TFPI: variants seen among roughly 807,000 people sequenced by gnomAD.
TFPI encodes the protein tissue factor pathway inhibitor, also known as anti-convertin.
TFPI carries 15 observed loss-of-function variants against 34.6 expected under a neutral mutation model. The ratio of observed to expected loss-of-function variants is 0.43; its 90% CI spans 0.29 to 0.67. The LOEUF (loss-of-function observed/expected upper bound fraction) is 0.67. Ranked by LOEUF, TFPI falls within the 30% of genes least tolerant of loss-of-function variation. TFPI has a pLI of 0.15. For missense variants in TFPI, 301 were observed against 364.0 expected, an observed-to-expected ratio of 0.83 and a Z score of 1.41; for synonymous variants, 105 against 120.1, an observed-to-expected ratio of 0.87 and a Z score of 0.82.
rs199674280 is a variant in TFPI, at chr2:187,467,061, T to A, written c.809-19A>T. On this transcript the variant is annotated intron_variant, in intron 7 of 7. Coordinates refer to ENST00000233156, the MANE Select transcript of TFPI (RefSeq NM_006287.6). Reference sequence around the variant, plus strand: ...ATGAAACCTATAAGAGGAAGAGGAATAAATTAATGTGTGATAAAATAACAC... The same window carrying A: ...ATGAAACCTATAAGAGGAAGAGGAAAAAATTAATGTGTGATAAAATAACAC... The A allele has an allele frequency of 7.4e-4, 1,047 of 1,409,902 alleles. 1 individual carries two copies. The highest frequency in any genetic ancestry group is 9.6e-4 in the Non-Finnish European group (976 of 1,021,150). The allele number at this position is 1,409,902 out of a possible 1,614,324, so 87.3% of individuals were successfully genotyped here.
intron 1 of TFPI, among the ~76,000 whole-genome samples, chr2:187,525,942 A>G (rs1211206405): frequency 6.6e-6 from 1 of 152,142 alleles, no homozygotes; most frequent in African/African-American, 2.4e-5. Context: ...TATGAATTTG[A>G]TACTATATTT....
intron 1 of TFPI, among the ~76,000 whole-genome samples, chr2:187,550,556 C>T (rs1689060618): frequency 6.6e-6 from 1 of 151,966 alleles, no homozygotes; most frequent in African/African-American, 2.4e-5. Context: ...ATTAGGCAAC[C>T]ACATCAAAAT....
intron 1 of TFPI, among the ~76,000 whole-genome samples, chr2:187,539,083 AGAGTGT>A (rs1041308092): frequency 1.0e-4 from 1 of 9,582 alleles, no homozygotes; most frequent in Non-Finnish European, 2.5e-4. Flanking sequence ...TTGCCTAAAT[AGAGTGT>A]GTGTGTGTGT....
chr2:187,515,404 CAT>C (rs1178569511), intron 1 of TFPI: 1 of 152,260 alleles, frequency 6.6e-6, no homozygotes, highest in African/African-American at 2.4e-5. Context: ...CCCAGTTAAA[CAT>C]AACTGTGTAG....
At chr2:187,507,641 G>A (rs35870933) in intron 1 of TFPI, among the ~76,000 whole-genome samples, 42,858 of 151,754 alleles carry the variant, frequency 0.28, 6,256 homozygotes, top group African/African-American at 0.35. Context: ...AATATCCTTC[G>A]TCCACTTTTT....
intron 5 of TFPI, 32 bp from the exon 6 acceptor site, chr2:187,484,248 AAAC>A: frequency 6.3e-7 from 1 of 1,577,906 alleles, no homozygotes. Flanking sequence ...TAAAATAGAT[AAAC>A]ATTGTCACAA....
chr2:187,483,301 T>A (rs181249787), intron 6 of TFPI, among the ~76,000 whole-genome samples: 11 of 152,080 alleles, frequency 7.2e-5, no homozygotes, highest in Non-Finnish European at 2.9e-5. Context: ...TTTTAATAGT[T>A]ACAGAATTCT....
At chr2:187,530,502 A>T (rs1311963709) in intron 1 of TFPI, among the ~76,000 whole-genome samples, 1 of 152,214 alleles carries the variant, frequency 6.6e-6, no homozygotes. Flanking sequence ...TATTGTCAAC[A>T]TTATCTCTTC....
At chr2:187,549,245 G>T (rs1689009020) in intron 1 of TFPI, among the ~76,000 whole-genome samples, 2 of 152,024 alleles carry the variant, frequency 1.3e-5, no homozygotes, top group African/African-American at 2.4e-5. Flanking sequence ...AAATTGAGCA[G>T]GAACCACCTG....
At chr2:187,491,650 G>A (rs1227285310) in intron 3 of TFPI, among the ~76,000 whole-genome samples, 1 of 152,040 alleles carries the variant, frequency 6.6e-6, no homozygotes, top group Non-Finnish European at 1.5e-5. Flanking sequence ...TGTAAATAGT[G>A]CTGTGCTAAA....
chr2:187,503,796 TAATA>T (rs1010183055), intron 1 of TFPI, 26 bp from the exon 2 acceptor site: 1 of 1,607,336 alleles, frequency 6.2e-7, no homozygotes, highest in African/African-American at 1.3e-5. Context: ...CATACATATC[TAATA>T]AATAAAGTGT....
intron 1 of TFPI, among the ~76,000 whole-genome samples, chr2:187,526,341 A>C (rs1214226511): frequency 6.6e-6 from 1 of 152,180 alleles, no homozygotes; most frequent in Non-Finnish European, 1.5e-5. Flanking sequence ...AATGTAAAAG[A>C]CATGTTCTAA....
intron 6 of TFPI, among the ~76,000 whole-genome samples, chr2:187,480,338 G>A (rs191847196): frequency 8.6e-5 from 13 of 152,044 alleles, no homozygotes; most frequent in African/African-American, 2.2e-4. Flanking sequence ...AACCCTACAC[G>A]AACTGACTAG....
At position 187,467,919 on chromosome 2, in the gene TFPI, G is replaced by C; in HGVS notation, c.642C>G (p.Pro214=). Residue 214 remains proline (P), a synonymous_variant, in exon 7 of 8, where the codon CCC becomes CCG. Transcript: ENST00000233156. ...KVPSLFEFHG[P]SWCLTPADRG... ...TGTCTGCTGGAGTGAGACACCATGA[G>C]GGACCGTGAAATTCTAAAAACAATC... is the stretch of plus-strand genomic sequence containing the variant. 1 of 1,576,432 alleles carries C rather than the reference G, an allele frequency of 6.3e-7. No individual in the cohort carries two copies. The highest frequency in any genetic ancestry group is 1.4e-5 in the African/African-American group (1 of 73,550).
At chr2:187,490,002 T>C (rs1249644664) in intron 3 of TFPI, among the ~76,000 whole-genome samples, 2 of 151,652 alleles carry the variant, frequency 1.3e-5, no homozygotes, top group Non-Finnish European at 3.0e-5. Flanking sequence ...TCCATTCTAG[T>C]ACTCTTTTGA....
intron 2 of TFPI, among the ~76,000 whole-genome samples, chr2:187,498,218 C>T (rs1481136536): frequency 6.6e-6 from 1 of 151,638 alleles, no homozygotes; most frequent in Non-Finnish European, 1.5e-5. Context: ...GCATAAAATA[C>T]AGGATAAGTT....
At chr2:187,523,003 G>A (rs1015747379) in intron 1 of TFPI, among the ~76,000 whole-genome samples, 19 of 151,976 alleles carry the variant, frequency 1.3e-4, no homozygotes, top group African/African-American at 4.6e-4. Flanking sequence ...GTGTTGATGG[G>A]TATTTATTTG....
intron 1 of TFPI, among the ~76,000 whole-genome samples, chr2:187,552,910 T>C (rs6715469): frequency 0.37 from 55,427 of 151,844 alleles, 10,999 homozygotes; most frequent in Non-Finnish European, 0.45. Context: ...ACTTGATTAG[T>C]TATCTGTATT....
rs1183343311 is a variant in TFPI, at chr2:187,488,347, T to C, written c.348A>G (p.Thr116=). The C allele has an allele frequency of 6.4e-7, 1 of 1,569,406 alleles. No homozygotes were observed. The highest frequency in any genetic ancestry group is 2.3e-5 in the East Asian group (1 of 42,862). The stretch of plus-strand genomic sequence containing the variant: ...CAAATAAATGTTCACCTTGTTGCAA[T>C]GTTGTCTTTATAATCCTGTTTGCAT... ...RDNANRIIKT[T]LQQEKPDFCF... Residue 116 remains threonine, a synonymous_variant, in exon 4 of 8, where the codon ACA becomes ACG. Transcript: ENST00000233156.
Sources: gnomAD v4.1 joint callset for allele counts (sites outside exome capture counted in the v4.1 genomes callset) on GRCh38, gnomAD v4.1.1 for gene constraint, MANE v1.5 for transcripts, NCBI Gene and HGNC (gene_info 2026-07-23, HGNC 2026-07-21) for gene names.